Variants in TENT4B observed in about 807,000 individuals in gnomAD.
TENT4B encodes PAP associated domain containing 5.
A neutral mutation model predicts 75.0 loss-of-function variants in TENT4B; 10 were observed. The ratio of observed to expected loss-of-function variants is 0.13; its 90% CI spans 0.08 to 0.23. The LOEUF is 0.23. TENT4B is among the 10% of genes least tolerant of loss of function. TENT4B has a pLI of 1.00. For synonymous variants in TENT4B, 350 were observed against 357.7 expected, an observed-to-expected ratio of 0.98 and a Z score of 0.24; for missense variants, 579 against 893.8, an observed-to-expected ratio of 0.65 and a Z score of 4.49.
chr16:50,194,746 T>A (rs1300533859), intron 1 of TENT4B, among the ~76,000 whole-genome samples: 1 of 13,470 alleles, frequency 7.4e-5, no homozygotes, highest in Non-Finnish European at 2.3e-4. Context: ...CTTGGCTAAT[T>A]TTTTTTTTTT....
At chr16:50,173,888 T>A (rs1361527220) in intron 1 of TENT4B, among the ~76,000 whole-genome samples, 1 of 152,008 alleles carries the variant, frequency 6.6e-6, no homozygotes, top group African/African-American at 2.4e-5. Flanking sequence ...GAGACAGGAT[T>A]TCACCATGTT....
rs2037841012 is a variant in TENT4B at position 50,154,145 on chromosome 16, G to A, written c.524G>A (p.Ser175Asn). The change falls in exon 1 of 12, where the codon AGC (serine) becomes AAC (asparagine). Residue 175 changes from serine to asparagine, a missense_variant. By Grantham distance (46) the Ser-to-Asn change is conservative. Around this residue, in one of 7 missense-constraint regions of TENT4B, gnomAD observed 253 missense variants for 270.1 expected, o/e 0.94. Coordinates refer to ENST00000561678, the MANE Select transcript of TENT4B (RefSeq NM_001365324.3). ...GCCAGCACGTATGGACTCAACTACAGCCTGCTGCAGCCCAGCGGAGGGCGG... is the reference window on the plus strand; with the variant it reads ...GCCAGCACGTATGGACTCAACTACAACCTGCTGCAGCCCAGCGGAGGGCGG... ...NKASTYGLNY[S>N]LLQPSGGRAA... 2 of 1,523,854 alleles carry A rather than the reference G, an allele frequency of 1.3e-6. No individual in the cohort carries two copies. The highest frequency in any genetic ancestry group is 1.8e-6 in the Non-Finnish European group (2 of 1,141,884). The allele number at this position is 1,523,854 out of a possible 1,614,324, so 94.4% of individuals were successfully genotyped here. A position where few individuals can be genotyped will look rare whatever the true frequency, so the allele number is the denominator to read the frequency against.
intron 1 of TENT4B, among the ~76,000 whole-genome samples, chr16:50,180,528 G>A (rs563366704): frequency 2.6e-5 from 4 of 152,194 alleles, no homozygotes; most frequent in Middle Eastern, 3.2e-3. Context: ...CCAACATGGC[G>A]AAACCCTGTT....
chr16:50,176,360 C>CA (rs1375903511), intron 1 of TENT4B, among the ~76,000 whole-genome samples: 2 of 151,968 alleles, frequency 1.3e-5, no homozygotes, highest in African/African-American at 4.8e-5. Flanking sequence ...GCTGCGATTA[C>CA]AGGCATGAAC....
intron 1 of TENT4B, among the ~76,000 whole-genome samples, chr16:50,154,994 G>A (rs1294666558): frequency 1.3e-5 from 2 of 152,142 alleles, no homozygotes; most frequent in Non-Finnish European, 2.9e-5. Context: ...ATGGTCCGCG[G>A]CTCCAGCTTC....
At chr16:50,227,517 G>A (rs929809951) in intron 10 of TENT4B, among the ~76,000 whole-genome samples, 3 of 151,698 alleles carry the variant, frequency 2.0e-5, no homozygotes, top group Non-Finnish European at 4.4e-5. Flanking sequence ...CCAGGGACTA[G>A]GACCTAGGTT....
chr16:50,220,615 G>A (rs534873946), intron 5 of TENT4B, among the ~76,000 whole-genome samples: 3 of 152,062 alleles, frequency 2.0e-5, no homozygotes, highest in Admixed American at 1.3e-4. Context: ...TGTACCCTCC[G>A]CCTCCTGAGT....
Position 50,230,184 on chromosome 16 carries a change from G to C in TENT4B, c.*856G>C. The C allele has an allele frequency of 1.0e-6, 1 of 983,536 alleles. No homozygotes were observed. The highest frequency in any genetic ancestry group is 1.2e-6 in the Non-Finnish European group (1 of 829,740). The allele number at this position is 983,536 out of a possible 1,614,324, so 60.9% of individuals were successfully genotyped here. ...CTGAAAAATCTCTGGTCATCTCCGA[G>C]AATTAACTTGCAACTGTTTTCTATA... On this transcript the variant is annotated 3_prime_UTR_variant, in exon 12 of 12. Coordinates refer to ENST00000561678, the MANE Select transcript of TENT4B (RefSeq NM_001365324.3).
chr16:50,213,901 T>C (rs2031416065), intron 2 of TENT4B, among the ~76,000 whole-genome samples: 1 of 152,190 alleles, frequency 6.6e-6, no homozygotes, highest in South Asian at 2.1e-4. Context: ...TACTCTACCA[T>C]TTTATAGCAG....
At chr16:50,214,413 C>T (rs1347140506) in intron 3 of TENT4B, 146 bp downstream of exon 3, 10 of 623,018 alleles carry the variant, frequency 1.6e-5, no homozygotes, top group African/African-American at 5.6e-5. Flanking sequence ...CCTAGCACTT[C>T]GGGAGGCCAA....
intron 1 of TENT4B, among the ~76,000 whole-genome samples, chr16:50,184,775 C>T (rs1567490448): frequency 6.6e-6 from 1 of 152,008 alleles, no homozygotes; most frequent in Admixed American, 6.6e-5. Flanking sequence ...CACTCTGTTA[C>T]GCAGGCTGGA....
intron 1 of TENT4B, among the ~76,000 whole-genome samples, chr16:50,208,045 G>T (rs889820435): frequency 2.0e-5 from 3 of 152,148 alleles, no homozygotes; most frequent in Non-Finnish European, 2.9e-5. Context: ...TTACATATAG[G>T]TGAGATGGTG....
intron 1 of TENT4B, among the ~76,000 whole-genome samples, chr16:50,165,393 CA>C (rs1421996795): frequency 9.9e-5 from 15 of 151,828 alleles, no homozygotes; most frequent in Admixed American, 9.2e-4. Context: ...AATTAAAAGG[CA>C]AAAAAGGTTA....
chr16:50,178,749 A>G (rs749821855), intron 1 of TENT4B, among the ~76,000 whole-genome samples: 6 of 152,242 alleles, frequency 3.9e-5, no homozygotes, highest in African/African-American at 7.2e-5. Context: ...TATCTGGAAT[A>G]TAAGAGTCAT....
At position 50,224,722 on chromosome 16, in the gene TENT4B, G is replaced by A. The variant is rs561407872; in HGVS notation, c.1447G>A (p.Val483Ile). The A allele has an allele frequency of 5.6e-6, 9 of 1,613,874 alleles. No homozygotes were observed. The highest frequency in any genetic ancestry group is 3.3e-5 in the South Asian group (3 of 91,086). Residue 483 changes from valine (V) to isoleucine (I), a missense_variant, in exon 8 of 12, where the codon GTT (valine) becomes ATT (isoleucine). Coordinates refer to ENST00000561678, the MANE Select transcript of TENT4B (RefSeq NM_001365324.3). The part of the protein sequence containing the change: ...QVKQAFDYAY[V>I]VLSHAVSPIA... ...GAAGCAGGCCTTTGATTATGCCTAC[G>A]TTGTTTTGAGTCATGCTGTATCACC... is the stretch of plus-strand genomic sequence containing the variant.
In TENT4B at chr16:50,191,542, C is replaced by T. The variant is rs111635333; in HGVS notation, c.639-19781C>T. ...TCCTGCTTCAGCCTCCCAAAGTGTT[C>T]GGATTATAGGCGTGAGCCACCATGC... On this transcript the variant is annotated intron_variant, in intron 1 of 11. Transcript: ENST00000561678. Among the ~76,000 whole-genome samples the T allele has an allele frequency of 6.8e-3, 1,030 of 152,136 alleles. 9 individuals carry two copies. The highest frequency in any genetic ancestry group is 0.024 in the African/African-American group (986 of 41,500).
intron 1 of TENT4B, among the ~76,000 whole-genome samples, chr16:50,162,348 G>A (rs1218443579): frequency 6.6e-6 from 1 of 152,148 alleles, no homozygotes; most frequent in Non-Finnish European, 1.5e-5. Flanking sequence ...GGATTGTATG[G>A]TAAGTGCATG....
chr16:50,199,913 C>A (rs1413146960), intron 1 of TENT4B, among the ~76,000 whole-genome samples: 1 of 152,224 alleles, frequency 6.6e-6, no homozygotes, highest in Non-Finnish European at 1.5e-5. Flanking sequence ...ACTGGGATTA[C>A]AGCTATACAC....
intron 5 of TENT4B, among the ~76,000 whole-genome samples, chr16:50,220,655 AAT>A (rs1299123374): frequency 6.6e-6 from 1 of 151,996 alleles, no homozygotes; most frequent in African/African-American, 2.4e-5. Context: ...CAGCCTCCAG[AAT>A]AGCTGGGACT....
Sources: gnomAD v4.1 joint callset for allele counts (sites outside exome capture counted in the v4.1 genomes callset) on GRCh38, gnomAD v4.1.1 for gene constraint, gnomAD v4.1.1 regional missense constraint, MANE v1.5 for transcripts, NCBI Gene and HGNC (gene_info 2026-07-23, HGNC 2026-07-21) for gene names.